The following KAZN variants were observed in gnomAD, a reference collection of about 807,000 sequenced individuals.
KAZN encodes kazrin, periplakin interacting protein, also known as kazrin.
In KAZN, 40 loss-of-function variants were observed where a neutral mutation model predicts 87.4. That is an observed-to-expected ratio of 0.46 (90% CI 0.36 to 0.60). KAZN has a LOEUF of 0.60. KAZN is among the 20% of genes least tolerant of loss of function. The probability of loss-of-function intolerance (pLI) is 0.00; values close to 1 mark genes in which losing one functional copy is unlikely to be tolerated. For missense variants in KAZN, 898 were observed against 1,073.9 expected, an observed-to-expected ratio of 0.84 and a Z score of 2.29; for synonymous variants, 466 against 458.3, an observed-to-expected ratio of 1.02 and a Z score of -0.22.
intron 2 of KAZN, among the ~76,000 whole-genome samples, chr1:14,573,201 A>G (rs1388705173): frequency 6.6e-6 from 1 of 152,210 alleles, no homozygotes; most frequent in African/African-American, 2.4e-5. Context: ...TTTAAGCCCC[A>G]TGTGTATTTA....
chr1:14,555,475 A>C (rs1454782556), intron 2 of KAZN, among the ~76,000 whole-genome samples: 1 of 152,192 alleles, frequency 6.6e-6, no homozygotes, highest in Non-Finnish European at 1.5e-5. Flanking sequence ...CCCACTCTTA[A>C]AGGTGCTATA....
chr1:14,402,013 T>C (rs900008076), intron 2 of KAZN, among the ~76,000 whole-genome samples: 10 of 151,062 alleles, frequency 6.6e-5, no homozygotes, highest in Non-Finnish European at 1.5e-5. Flanking sequence ...ATAATACAAG[T>C]AAAAGAAATA....
At chr1:13,993,863 C>T (rs1337026855) in intron 1 of KAZN, among the ~76,000 whole-genome samples, 1 of 152,180 alleles carries the variant, frequency 6.6e-6, no homozygotes, top group African/African-American at 2.4e-5. Flanking sequence ...CTGATATGTA[C>T]AAATGACTTT....
intron 2 of KAZN, among the ~76,000 whole-genome samples, chr1:14,521,932 T>G (rs896004684): frequency 2.6e-5 from 4 of 152,198 alleles, no homozygotes; most frequent in Non-Finnish European, 4.4e-5. Flanking sequence ...CATCAGCACA[T>G]TTCAGTGAGT....
chr1:14,712,851 C>T (rs1471932497), intron 1 of KAZN, among the ~76,000 whole-genome samples: 1 of 152,230 alleles, frequency 6.6e-6, no homozygotes, highest in African/African-American at 2.4e-5. Context: ...TCTCACCCCC[C>T]ACCTTTTCCC....
chr1:14,366,715 CTCTT>C, intron 2 of KAZN, among the ~76,000 whole-genome samples: 1 of 152,328 alleles, frequency 6.6e-6, no homozygotes, highest in Non-Finnish European at 1.5e-5. Flanking sequence ...TGTTACAGTG[CTCTT>C]TGAGCTCTGC....
intron 1 of KAZN, among the ~76,000 whole-genome samples, chr1:13,992,660 C>T (rs1639338372): frequency 6.6e-6 from 1 of 152,132 alleles, no homozygotes; most frequent in Admixed American, 6.5e-5. Context: ...AAAGGAAAGC[C>T]TCCAGGAGGC....
At chr1:14,242,290 A>G (rs1173628928) in intron 2 of KAZN, among the ~76,000 whole-genome samples, 2 of 152,208 alleles carry the variant, frequency 1.3e-5, no homozygotes, top group South Asian at 2.1e-4. Flanking sequence ...ATTATAATGA[A>G]CAGAAAACAT....
intron 2 of KAZN, among the ~76,000 whole-genome samples, chr1:14,472,476 C>T (rs1200042758): frequency 6.6e-6 from 1 of 152,070 alleles, no homozygotes; most frequent in East Asian, 1.9e-4. Context: ...AAGTGTTTTG[C>T]CCAAGGAATG....
intron 1 of KAZN, among the ~76,000 whole-genome samples, chr1:13,980,240 T>C (rs1032229979): frequency 7.9e-4 from 120 of 152,156 alleles, no homozygotes; most frequent in African/African-American, 2.7e-3. Flanking sequence ...TAATAAAAAT[T>C]GAACAATAAA....
chr1:14,598,183 C>T (rs978054795), upstream of KAZN, among the ~76,000 whole-genome samples: 7 of 152,268 alleles, frequency 4.6e-5, no homozygotes, highest in African/African-American at 1.7e-4. The surrounding 1 kb of genome is among the most constrained non-coding windows in gnomAD (Gnocchi z 4.2). Flanking sequence ...GCAGGTCTGG[C>T]CTGCGGGTGG....
At chr1:15,102,129 T>C (rs931993886) in intron 11 of KAZN, among the ~76,000 whole-genome samples, 3 of 152,098 alleles carry the variant, frequency 2.0e-5, no homozygotes, top group Non-Finnish European at 4.4e-5. Context: ...GTGCCAATAT[T>C]GTGGGAGATT....
At chr1:14,155,027 C>T (rs10928040) in intron 1 of KAZN, among the ~76,000 whole-genome samples, 96,824 of 150,624 alleles carry the variant, frequency 0.64, 32,786 homozygotes, top group African/African-American at 0.86. Context: ...GGTTTTGGAA[C>T]ATCGAGGTGA....
chr1:14,973,524 G>A (rs1317903552), intron 2 of KAZN, among the ~76,000 whole-genome samples: 4 of 152,114 alleles, frequency 2.6e-5, no homozygotes, highest in African/African-American at 9.7e-5. Flanking sequence ...CCAGTTGACT[G>A]AACATTTGAT....
intron 1 of KAZN, among the ~76,000 whole-genome samples, chr1:14,683,950 A>G (rs1444003071): frequency 6.6e-6 from 1 of 152,124 alleles, no homozygotes; most frequent in African/African-American, 2.4e-5. Context: ...CATTTTTCTT[A>G]TGCACTGGAG....
At chr1:14,335,284 C>A (rs1171171723) in intron 2 of KAZN, among the ~76,000 whole-genome samples, 1 of 151,104 alleles carries the variant, frequency 6.6e-6, no homozygotes, top group Non-Finnish European at 1.5e-5. Flanking sequence ...CTCACTGCAA[C>A]CTCCACCTCC....
chr1:14,965,982 C>CTTTTTTTTTTTTTTTTTTTTTTTT (rs71306999), intron 2 of KAZN, among the ~76,000 whole-genome samples: 1 of 129,190 alleles, frequency 7.7e-6, no homozygotes, highest in African/African-American at 3.0e-5. Context: ...CTTTCCTTTT[C>CTTTTTTTTTTTTTTTTTTTTTTTT]TTTTTTTTTT....
chr1:14,936,134 C>T (rs1335053685), intron 1 of KAZN, among the ~76,000 whole-genome samples: 3 of 152,244 alleles, frequency 2.0e-5, no homozygotes, highest in South Asian at 2.1e-4. Context: ...AACATCAACC[C>T]TGGCTTTGCA....
chr1:14,671,347 AG>A (rs1219330867), intron 1 of KAZN, among the ~76,000 whole-genome samples: 1 of 152,266 alleles, frequency 6.6e-6, no homozygotes, highest in Non-Finnish European at 1.5e-5. Flanking sequence ...GGCACATAGT[AG>A]GTGCTCAGTA....
Sources: allele counts gnomAD v4.1 joint callset (sites outside exome capture counted in the v4.1 genomes callset), GRCh38; gene constraint gnomAD v4.1.1; non-coding constraint Gnocchi (gnomAD v3.1); transcripts MANE v1.5; gene names NCBI Gene and HGNC (gene_info 2026-07-23, HGNC 2026-07-21).